NTM: variants seen among roughly 807,000 people sequenced by gnomAD.
NTM encodes IgLON family member 2.
A neutral mutation model predicts 42.1 loss-of-function variants in NTM; 13 were observed. The ratio of observed to expected loss-of-function variants is 0.31; its 90% CI spans 0.20 to 0.49. The LOEUF (loss-of-function observed/expected upper bound fraction) is 0.49. NTM is among the 20% of genes least tolerant of loss of function. NTM has a pLI of 0.99. For synonymous variants in NTM, 187 were observed against 179.2 expected (o/e 1.04, Z -0.35); for missense variants, 373 against 452.8 (o/e 0.82, Z 1.60).
intron 1 of NTM, among the ~76,000 whole-genome samples, chr11:131,437,374 G>T (rs1428011617): frequency 2.0e-5 from 3 of 152,262 alleles, no homozygotes; most frequent in Admixed American, 1.3e-4. Context: ...GTCTAATATT[G>T]AGAGTGGGGT....
chr11:132,134,512 G>A (rs1175578670), intron 2 of NTM, among the ~76,000 whole-genome samples: 1 of 151,306 alleles, frequency 6.6e-6, no homozygotes, highest in African/African-American at 2.4e-5. Context: ...AAAAAACAAT[G>A]TATCATTCTT....
At chr11:132,291,557 G>A (rs533207106) in intron 4 of NTM, among the ~76,000 whole-genome samples, 1 of 152,276 alleles carries the variant, frequency 6.6e-6, no homozygotes, top group Admixed American at 6.5e-5. Flanking sequence ...AAATGTGTGA[G>A]TTATTGCCAT....
intron 2 of NTM, among the ~76,000 whole-genome samples, chr11:132,004,785 C>G (rs1206790106): frequency 1.3e-5 from 2 of 151,940 alleles, no homozygotes; most frequent in African/African-American, 4.8e-5. Context: ...ATTCAGCTTT[C>G]AAGGAGCTGT....
intron 4 of NTM, among the ~76,000 whole-genome samples, chr11:132,231,449 T>C (rs2087536958): frequency 6.6e-6 from 1 of 152,228 alleles, no homozygotes; most frequent in South Asian, 2.1e-4. Flanking sequence ...TCCTTTCTTT[T>C]ACAGGTAAAA....
chr11:131,502,296 G>T (rs1379379503), intron 1 of NTM, among the ~76,000 whole-genome samples: 1 of 152,132 alleles, frequency 6.6e-6, no homozygotes, highest in Admixed American at 6.5e-5. Context: ...AGTCCTTGCT[G>T]CTTGAACCAG....
At chr11:132,236,156 C>A (rs2088841533) in intron 4 of NTM, among the ~76,000 whole-genome samples, 1 of 152,138 alleles carries the variant, frequency 6.6e-6, no homozygotes, top group African/African-American at 2.4e-5. Flanking sequence ...TTTTCTGGAG[C>A]ATTTATTCTT....
intron 1 of NTM, among the ~76,000 whole-genome samples, chr11:131,452,248 G>A (rs916693820): frequency 3.3e-5 from 5 of 152,206 alleles, no homozygotes; most frequent in Non-Finnish European, 7.3e-5. Context: ...CTGTGCTGCC[G>A]AGCGCCCCGT....
intron 2 of NTM, among the ~76,000 whole-genome samples, chr11:132,114,337 T>G (rs1177519260): frequency 6.6e-6 from 1 of 152,180 alleles, no homozygotes; most frequent in African/African-American, 2.4e-5. Context: ...GTTAGGCCCC[T>G]GCGACCCAGT....
chr11:131,611,928 G>A (rs1475854777), intron 1 of NTM, among the ~76,000 whole-genome samples: 2 of 152,226 alleles, frequency 1.3e-5, no homozygotes, highest in Non-Finnish European at 2.9e-5. Context: ...CTTCAAGGAT[G>A]ACTTCAGGGA....
chr11:131,373,621 T>C (rs572307010), intron 1 of NTM, among the ~76,000 whole-genome samples: 1 of 152,112 alleles, frequency 6.6e-6, no homozygotes, highest in South Asian at 2.1e-4. Context: ...GCTACAGAAC[T>C]GGATCAGGCG....
intron 3 of NTM, among the ~76,000 whole-genome samples, chr11:132,201,329 G>A (rs2138464561): frequency 6.6e-6 from 1 of 152,336 alleles, no homozygotes; most frequent in Non-Finnish European, 1.5e-5. Context: ...GTATATGATA[G>A]AAGTGGCAGT....
At chr11:131,825,052 T>C (rs1444579232) in intron 1 of NTM, among the ~76,000 whole-genome samples, 1 of 152,186 alleles carries the variant, frequency 6.6e-6, no homozygotes, top group Non-Finnish European at 1.5e-5. Context: ...AATCACAGTG[T>C]TGGCAGGGTG....
intron 1 of NTM, among the ~76,000 whole-genome samples, chr11:131,449,609 A>G (rs1565512300): frequency 6.6e-6 from 1 of 152,170 alleles, no homozygotes. Context: ...TGCTGCGTTC[A>G]TCTCTCTCAT....
At chr11:131,397,593 C>T (rs928475856) in intron 1 of NTM, among the ~76,000 whole-genome samples, 7 of 152,320 alleles carry the variant, frequency 4.6e-5, no homozygotes, top group Non-Finnish European at 7.3e-5. Context: ...GAAATAAAGA[C>T]GTGTCCTATC....
chr11:132,102,588 T>A (rs2061758540), intron 2 of NTM, among the ~76,000 whole-genome samples: 1 of 152,216 alleles, frequency 6.6e-6, no homozygotes, highest in African/African-American at 2.4e-5. Context: ...TTTCTGACCT[T>A]AAAGAATTCA....
intron 1 of NTM, among the ~76,000 whole-genome samples, chr11:131,408,739 G>T (rs1946075583): frequency 6.6e-6 from 1 of 152,136 alleles, no homozygotes; most frequent in South Asian, 2.1e-4. Context: ...CAGTGACATT[G>T]TTTTCTCGTA....
At chr11:132,172,411 G>C (rs2076234940) in intron 3 of NTM, among the ~76,000 whole-genome samples, 1 of 152,110 alleles carries the variant, frequency 6.6e-6, no homozygotes, top group Non-Finnish European at 1.5e-5. Flanking sequence ...AGATGTCTCT[G>C]CCCAAGAAAT....
At chr11:131,644,160 C>T (rs76791166) in intron 1 of NTM, among the ~76,000 whole-genome samples, 2,766 of 152,234 alleles carry the variant, frequency 0.018, 104 homozygotes, top group African/African-American at 0.064. Context: ...TTCAGCTTCC[C>T]TTCCTCTCTG....
At chr11:132,108,265 A>G (rs1010337604) in intron 2 of NTM, among the ~76,000 whole-genome samples, 9 of 152,352 alleles carry the variant, frequency 5.9e-5, no homozygotes, top group Admixed American at 5.2e-4. Flanking sequence ...TCAAAACGAC[A>G]ATAGCTGCAT....
Sources: gnomAD v4.1 joint callset for allele counts (sites outside exome capture counted in the v4.1 genomes callset) on GRCh38, gnomAD v4.1.1 for gene constraint, MANE v1.5 for transcripts, NCBI Gene and HGNC (gene_info 2026-07-23, HGNC 2026-07-21) for gene names.